The following MNS1 variants were observed in gnomAD, a reference collection of about 807,000 sequenced individuals.
The protein encoded by MNS1 is meiosis specific nuclear structural 1.
In MNS1, 63 loss-of-function variants were observed where a neutral mutation model predicts 72.0. The ratio of observed to expected loss-of-function variants is 0.87; its 90% confidence interval spans 0.71 to 1.08. The LOEUF is 1.08. MNS1 is among the 50% of genes least tolerant of loss of function. The pLI is 0.00. For synonymous variants in MNS1, 188 were observed against 172.1 expected (o/e 1.09, Z -0.72); for missense variants, 604 against 562.4 (o/e 1.07, Z -0.75).
At chr15:56,442,586 C>T (rs548800621) in intron 7 of MNS1, among the ~76,000 whole-genome samples, 8 of 152,172 alleles carry the variant, frequency 5.3e-5, no homozygotes, top group Non-Finnish European at 8.8e-5. Flanking sequence ...ATATCCTTTG[C>T]GTCAACATGG....
chr15:56,435,898 A>C (rs888380848), intron 7 of MNS1, among the ~76,000 whole-genome samples: 27 of 152,054 alleles, frequency 1.8e-4, no homozygotes, highest in Admixed American at 7.2e-4. Context: ...CAAATCCTTA[A>C]CCCAATATTA....
chr15:56,453,441 A>G (rs1219185581), intron 3 of MNS1, among the ~76,000 whole-genome samples: 2 of 152,182 alleles, frequency 1.3e-5, no homozygotes, highest in Admixed American at 1.3e-4. Flanking sequence ...TTTATGAATT[A>G]ACAGCTTGAT....
intron 3 of MNS1, chr15:56,447,767 G>A (rs1315570047): frequency 1.3e-5 from 2 of 152,014 alleles, no homozygotes; most frequent in African/African-American, 4.8e-5. Flanking sequence ...TCATGAACAC[G>A]TCCCAATCAC....
rs1567151161 is a variant in MNS1 at position 56,443,809 on chromosome 15, A to G, written c.732T>C (p.Tyr244=). The change falls in exon 6 of 10, where the codon TAT becomes TAC. Residue 244 remains tyrosine (Y), a synonymous_variant. Coordinates refer to ENST00000260453, the MANE Select transcript of MNS1 (RefSeq NM_018365.4). ...KLEKMNAMRR[Y]IEEFQKEQAL... is the part of the protein sequence containing the mutation. Reference sequence around the variant, plus strand: ...CCTGCTCTTTCTGAAACTCTTCTATATACCTTCGCATTGCATTCATTTTTT... The same window carrying G: ...CCTGCTCTTTCTGAAACTCTTCTATGTACCTTCGCATTGCATTCATTTTTT... 5 of 1,608,250 alleles carry G rather than the reference A, an allele frequency of 3.1e-6. No individual in the cohort carries two copies. The highest frequency in any genetic ancestry group is 3.4e-6 in the Non-Finnish European group (4 of 1,178,164).
rs369934985 is a variant in MNS1, at chr15:56,431,441, T to C, written c.1327A>G (p.Ile443Val). 25 of 1,613,592 alleles carry C rather than the reference T, an allele frequency of 1.5e-5. No homozygotes were observed. In the African/African-American group the frequency reaches 2.9e-4, roughly 19 times the overall value. ...QQRRQGFINA[I>V]IEEERLKLLK... is the part of the protein sequence containing the mutation. ...AGTTTTAGCCTTTCTTCTTCAATAA[T>C]TGCATTAATAAATCCTTGCCGCCTT... The change falls in exon 9 of 10, where the codon ATT becomes GTT. Residue 443 changes from isoleucine (I) to valine (V), a missense_variant. Coordinates refer to ENST00000260453, the MANE Select transcript of MNS1 (RefSeq NM_018365.4).
rs556686457 is a variant in MNS1, at chr15:56,449,599, G to A, written c.354-2656C>T. Among the ~76,000 whole-genome samples, 30 of 152,216 alleles carry A rather than the reference G, an allele frequency of 2.0e-4. No homozygotes were observed. The South Asian group carries it at 5.8e-3, about 29-fold the overall frequency. ...GGTAATGATCTGATTAAAACAAATT[G>A]GGAAGGGCTTCCTCTTTTTCTGTTT... On this transcript the variant is annotated intron_variant, in intron 3 of 9. Coordinates refer to ENST00000260453, the MANE Select transcript of MNS1 (RefSeq NM_018365.4).
chr15:56,437,098 T>G (rs1341065602), intron 7 of MNS1, among the ~76,000 whole-genome samples: 1 of 152,182 alleles, frequency 6.6e-6, no homozygotes, highest in Non-Finnish European at 1.5e-5. Flanking sequence ...CCCTAACTCA[T>G]TTTATGAGGC....
At chr15:56,447,054 G>T in intron 3 of MNS1, 111 bp from the exon 4 acceptor site, 1 of 705,780 alleles carries the variant, frequency 1.4e-6, no homozygotes, top group South Asian at 1.9e-5. Context: ...GAATACAGCG[G>T]GTATTATTTT....
intron 9 of MNS1, 37 bp from the exon 10 acceptor site, chr15:56,429,230 C>A: frequency 1.5e-6 from 2 of 1,328,002 alleles, no homozygotes; most frequent in South Asian, 1.3e-5. Context: ...CTTTTGAATA[C>A]CAGAATATTT....
chr15:56,443,978 T>G (rs2050864612), intron 5 of MNS1, 124 bp from the exon 6 acceptor site: 1 of 738,460 alleles, frequency 1.4e-6, no homozygotes, highest in African/African-American at 1.8e-5. Context: ...GCAACAAACA[T>G]TTTGAATGCT....
At chr15:56,459,120 C>T (rs1269842850) in intron 2 of MNS1, among the ~76,000 whole-genome samples, 1 of 152,178 alleles carries the variant, frequency 6.6e-6, no homozygotes, top group African/African-American at 2.4e-5. Context: ...TTCCTCTCAC[C>T]TTTTCCCCCA....
intron 2 of MNS1, chr15:56,463,825 T>A: frequency 1.9e-6 from 1 of 523,152 alleles, no homozygotes; most frequent in South Asian, 3.0e-5. Context: ...GGTCCGTAGC[T>A]AAGGTATAGC....
chr15:56,455,606 C>A (rs2050976965), intron 3 of MNS1, among the ~76,000 whole-genome samples: 1 of 152,064 alleles, frequency 6.6e-6, no homozygotes, highest in South Asian at 2.1e-4. Context: ...ATTTACTTGG[C>A]CCTGAGTTTT....
At chr15:56,450,369 T>G (rs1415751790) in intron 3 of MNS1, among the ~76,000 whole-genome samples, 1 of 152,154 alleles carries the variant, frequency 6.6e-6, no homozygotes, top group African/African-American at 2.4e-5. Context: ...CCAAAACTTT[T>G]TCATTCCCCC....
At chr15:56,463,779 CCA>C in intron 2 of MNS1, 1 of 424,290 alleles carries the variant, frequency 2.4e-6, no homozygotes, top group Non-Finnish European at 4.2e-6. Context: ...AAGACTCCAT[CCA>C]AAAAAAAAAA....
intron 8 of MNS1, 39 bp from the exon 9 acceptor site, chr15:56,431,537 T>C (rs1262770262): frequency 1.2e-6 from 2 of 1,608,710 alleles, no homozygotes; most frequent in African/African-American, 2.7e-5. Context: ...ACAAAGTACA[T>C]TAATCTTATA....
At chr15:56,434,101 T>G in intron 8 of MNS1, 37 bp downstream of exon 8, 1 of 1,591,980 alleles carries the variant, frequency 6.3e-7, no homozygotes. Context: ...TGCTGTTTAA[T>G]GATAATGACC....
chr15:56,443,487 T>G lies in MNS1; in HGVS notation c.954A>C (p.Gln318His), dbSNP rs776386295. Residue 318 changes from glutamine (Q) to histidine (H), a missense_variant, in exon 7 of 10, where the codon CAA (glutamine) becomes CAC (histidine). Gln to His is a conservative substitution (Grantham distance 24). Coordinates refer to ENST00000260453, the MANE Select transcript of MNS1 (RefSeq NM_018365.4). ...CTTCCTGGTATAATTCTTGTCGCAC[T>G]TGTTCCAAATCTTCACGTTGCCGCA... Reference protein sequence around the residue: ...EMLRQREDLEQVRQELYQEEQ... With the variant: ...EMLRQREDLEHVRQELYQEEQ... 6.2e-7 allele frequency: 1 copy of G among 1,600,614 alleles called. No homozygotes were observed. Among genetic ancestry groups the G allele is most frequent in the Non-Finnish European group, 8.5e-7 (1 of 1,176,286 alleles).
chr15:56,436,179 A>G lies in MNS1; in HGVS notation c.1012-1784T>C, dbSNP rs145482129. Among the ~76,000 whole-genome samples, 262 of 152,238 alleles carry G rather than the reference A, an allele frequency of 1.7e-3. 5 individuals carry two copies. The East Asian group carries it at 0.042, about 24-fold the overall frequency. ...TTCTTCTCAGCACCACACCGCACTT[A>G]TTCCAAAGTTGACCACATAGTTGGA... is the stretch of plus-strand genomic sequence containing the variant. On this transcript the variant is annotated intron_variant, in intron 7 of 9. Transcript: ENST00000260453.
Sources: gnomAD v4.1 joint callset for allele counts (sites outside exome capture counted in the v4.1 genomes callset) on GRCh38, gnomAD v4.1.1 for gene constraint, MANE v1.5 for transcripts, NCBI Gene and HGNC (gene_info 2026-07-23, HGNC 2026-07-21) for gene names.